Variants in PRKACA observed in about 807,000 individuals in gnomAD.
PRKACA encodes the protein protein kinase cAMP-activated catalytic subunit alpha, also known as cAMP-dependent protein kinase catalytic subunit alpha.
A neutral mutation model predicts 45.8 loss-of-function variants in PRKACA; 9 were observed. The ratio of observed to expected loss-of-function variants is 0.20; its 90% CI spans 0.12 to 0.34. The LOEUF (loss-of-function observed/expected upper bound fraction) is 0.34. Ranked by LOEUF, PRKACA falls within the 10% of genes least tolerant of loss-of-function variation. The pLI, the probability that PRKACA is intolerant of heterozygous loss-of-function variation, is 1.00. For synonymous variants in PRKACA, 160 were observed against 178.6 expected, an observed-to-expected ratio of 0.90 and a Z score of 0.83; for missense variants, 238 against 458.6, an observed-to-expected ratio of 0.52 and a Z score of 4.39.
chr19:14,096,875 G>A (rs1977273983), intron 8 of PRKACA: 1 of 262,374 alleles, frequency 3.8e-6, no homozygotes, highest in South Asian at 4.2e-5. Flanking sequence ...TGTGAGCTGA[G>A]ATGGCTTCAC....
At chr19:14,109,675 C>T (rs1977715960) in intron 1 of PRKACA, among the ~76,000 whole-genome samples, 1 of 149,948 alleles carries the variant, frequency 6.7e-6, no homozygotes, top group African/African-American at 2.5e-5. Flanking sequence ...TGGTGGCTCA[C>T]GTCTATAATC....
chr19:14,116,199 C>A (rs1157538664), intron 1 of PRKACA, among the ~76,000 whole-genome samples: 1 of 152,200 alleles, frequency 6.6e-6, no homozygotes, highest in Admixed American at 6.5e-5. Context: ...GGGATCCCAG[C>A]TGCCTTCCAG....
chr19:14,111,835 C>T (rs1966974528), intron 1 of PRKACA, among the ~76,000 whole-genome samples: 2 of 152,258 alleles, frequency 1.3e-5, no homozygotes, highest in Middle Eastern at 3.4e-3. Context: ...GTGGAGGGTG[C>T]CCTCTTGGGA....
At chr19:14,102,408 A>T (rs558722408) in intron 4 of PRKACA, among the ~76,000 whole-genome samples, 32 of 152,226 alleles carry the variant, frequency 2.1e-4, no homozygotes, top group African/African-American at 7.7e-4. Flanking sequence ...AACTGGTATG[A>T]TCCCCATTTT....
intron 3 of PRKACA, among the ~76,000 whole-genome samples, chr19:14,105,545 A>G (rs1257345574): frequency 1.3e-5 from 2 of 151,820 alleles, no homozygotes; most frequent in Non-Finnish European, 2.9e-5. Flanking sequence ...AGCCCCAAAC[A>G]TGTCATTAAA....
intron 1 of PRKACA, among the ~76,000 whole-genome samples, chr19:14,116,068 C>T (rs926567057): frequency 4.6e-5 from 7 of 152,172 alleles, no homozygotes; most frequent in Admixed American, 4.6e-4. Flanking sequence ...GAATAAAGTT[C>T]CCTGGCTTTC....
chr19:14,104,526 C>T (rs1224902640), intron 3 of PRKACA, among the ~76,000 whole-genome samples: 1 of 151,044 alleles, frequency 6.6e-6, no homozygotes, highest in Non-Finnish European at 1.5e-5. Context: ...GAAACCCCAT[C>T]TCTACTAAAA....
In PRKACA at chr19:14,107,197, C is replaced by T. The variant is rs936667694; in HGVS notation, c.108+151G>A. The T allele has an allele frequency of 1.1e-4, 101 of 881,158 alleles. No individual in the cohort carries two copies. The Middle Eastern group carries it at 2.5e-3, about 22-fold the overall frequency. 54.6% of individuals were successfully genotyped at this position (881,158 alleles called of 1,614,324 possible). On this transcript the variant is annotated intron_variant, in intron 2 of 9. Transcript: ENST00000308677. ...CATTGGGCAGTCAGGTGTCTCCACA[C>T]AGGAGCCCCCATGGGCACCTAGGGA...
Position 14,093,206 on chromosome 19 carries a change from C to A in PRKACA, c.962G>T (p.Gly321Val). 1 of 1,613,996 alleles carries A rather than the reference C, an allele frequency of 6.2e-7. No homozygotes were observed. Among genetic ancestry groups the A allele is most frequent in the Non-Finnish European group, 8.5e-7 (1 of 1,179,952 alleles). ...VEAPFIPKFK[G>V]PGDTSNFDDY... ...GTCAAAGTTACTCGTATCCCCAGGG[C>A]CTTTAAACTTTGGTATGAAGGGAGC... Residue 321 changes from glycine (G) to valine (V), a missense_variant, in exon 10 of 10, where the codon GGC becomes GTC. By Grantham distance (109) the Gly-to-Val change is moderately radical (BLOSUM62 -3). This residue lies in a region of PRKACA where 51 missense variants were observed against 68.6 expected (regional missense o/e 0.74). Coordinates refer to ENST00000308677, the MANE Select transcript of PRKACA (RefSeq NM_002730.4).
In PRKACA at chr19:14,097,910, A is replaced by G; in HGVS notation, c.420-20T>C. On this transcript the variant is annotated intron_variant, in intron 5 of 9. Transcript: ENST00000308677. This position sits in a 1 kb window ranked among gnomAD's most constrained non-coding sequence, Gnocchi z 5.4. ...GGCTCACTGATGGGGACAAATGGGG[A>G]GGTGAACGTCAGTGGTCATGCCCCA... The G allele has an allele frequency of 6.2e-7, 1 of 1,613,800 alleles. No homozygotes were observed. The highest frequency in any genetic ancestry group is 2.2e-5 in the East Asian group (1 of 44,866).
chr19:14,117,314 G>C (rs553680277), intron 1 of PRKACA, among the ~76,000 whole-genome samples, 188 bp downstream of exon 1: 1 of 151,590 alleles, frequency 6.6e-6, no homozygotes, highest in Admixed American at 6.6e-5. Context: ...GGCCCTAGGG[G>C]AAGGGGACCC....
chr19:14,114,310 G>T, intron 1 of PRKACA: 1 of 956,300 alleles, frequency 1.0e-6, no homozygotes, highest in Non-Finnish European at 1.6e-6. Context: ...CAACCCAGAG[G>T]CCACTGGGTG....
intron 1 of PRKACA, chr19:14,115,104 C>G: frequency 1.0e-6 from 1 of 985,390 alleles, no homozygotes; most frequent in Non-Finnish European, 1.2e-6. Flanking sequence ...ATTTCCTTCT[C>G]TGGGAGCCTC....
In PRKACA at chr19:14,094,204, AAAAAAAAAT is replaced by A. The variant is rs1299515464; in HGVS notation, c.766-421_766-413del. 1.6e-3 allele frequency among the ~76,000 whole-genome samples: 241 copies of A among 150,194 alleles called. 2 individuals carry two copies. Among genetic ancestry groups the A allele is most frequent in the African/African-American group, 5.6e-3 (227 of 40,786 alleles). On this transcript the variant is annotated intron_variant, in intron 8 of 9. Transcript: ENST00000308677. ...TTTTTTGAAAAAAAAAAAAAAAAAA[AAAAAAAAAT>A]AGCCTCACTCTGTAGCCCAGGCTGG...
intron 3 of PRKACA, among the ~76,000 whole-genome samples, chr19:14,103,234 G>A (rs151007910): frequency 6.6e-5 from 10 of 152,290 alleles, no homozygotes; most frequent in African/African-American, 1.9e-4. Flanking sequence ...TACCTGGCGT[G>A]GTCTGGGGAA....
Position 14,100,807 on chromosome 19 carries a change from TG to T in PRKACA, c.419+18del, listed in dbSNP as rs1205809188. ...TGGACACCCTGACAGCCTGATGTGA[TG>T]GGGGGTGGCCCGCTTACCTGAACCT... On this transcript the variant is annotated intron_variant, in intron 5 of 9. Transcript: ENST00000308677. The T allele has an allele frequency of 6.2e-7, 1 of 1,612,934 alleles. No homozygotes were observed. Among genetic ancestry groups the T allele is most frequent in the Non-Finnish European group, 8.5e-7 (1 of 1,178,966 alleles).
At chr19:14,099,563 C>T (rs1977379848) in intron 5 of PRKACA, among the ~76,000 whole-genome samples, 1 of 149,692 alleles carries the variant, frequency 6.7e-6, no homozygotes, top group Non-Finnish European at 1.5e-5. Flanking sequence ...GGAGCTGGGA[C>T]TACAGGAATG....
chr19:14,099,820 TATAAA>T (rs142292107), intron 5 of PRKACA, among the ~76,000 whole-genome samples: 2,433 of 151,828 alleles, frequency 0.016, 70 homozygotes, highest in African/African-American at 0.055. Context: ...TGTCCACCTA[TATAAA>T]ATAAAATAAT....
At chr19:14,109,918 A>G (rs1390049160) in intron 1 of PRKACA, among the ~76,000 whole-genome samples, 1 of 119,562 alleles carries the variant, frequency 8.4e-6, no homozygotes, top group Non-Finnish European at 1.7e-5. Flanking sequence ...AGCCTAGGCG[A>G]CAGAGTGAGA....
Sources: allele counts gnomAD v4.1 joint callset (sites outside exome capture counted in the v4.1 genomes callset), GRCh38; gene constraint gnomAD v4.1.1; regional missense constraint gnomAD v4.1.1; non-coding constraint Gnocchi (gnomAD v3.1); transcripts MANE v1.5; gene names NCBI Gene and HGNC (gene_info 2026-07-23, HGNC 2026-07-21).